Variants in PTPRD observed in about 807,000 individuals in gnomAD.
PTPRD encodes receptor-type tyrosine-protein phosphatase delta.
PTPRD carries 34 observed loss-of-function variants against 214.5 expected under a neutral mutation model. That is an observed-to-expected ratio of 0.16 (90% CI 0.12 to 0.21). The LOEUF (loss-of-function observed/expected upper bound fraction) is 0.21, where lower values mean the gene tolerates loss of function less well. PTPRD is among the 10% of genes least tolerant of loss of function. PTPRD has a pLI of 1.00. For missense variants in PTPRD, 2,545 were observed against 2,398.7 expected, an observed-to-expected ratio of 1.06 and a Z score of -1.27; for synonymous variants, 1,128 against 845.7, an observed-to-expected ratio of 1.33 and a Z score of -5.79.
At position 9,427,650 on chromosome 9, in the gene PTPRD, G is replaced by A. The variant is rs529040700; in HGVS notation, c.-236-30168C>T. On this transcript the variant is annotated intron_variant, in intron 8 of 45. Transcript: ENST00000381196. Reference sequence around the variant, plus strand: ...TTGAAAAGAAGGAGAAAATGTTAAGGGCAGCCAGAGAGAAAGGTTGGGTTA... The same window carrying A: ...TTGAAAAGAAGGAGAAAATGTTAAGAGCAGCCAGAGAGAAAGGTTGGGTTA... Among the ~76,000 whole-genome samples, 14 of 152,264 alleles carry A rather than the reference G, an allele frequency of 9.2e-5. No homozygotes were observed. The East Asian group carries it at 2.3e-3, about 25-fold the overall frequency.
chr9:8,873,348 G>C (rs10759008), intron 11 of PTPRD, among the ~76,000 whole-genome samples: 1 of 151,874 alleles, frequency 6.6e-6, no homozygotes, highest in African/African-American at 2.4e-5. Context: ...ACCAGCTGTC[G>C]TGTTGTATGT....
chr9:8,589,966 CACTTGGTCAACTAATAATGA>C (rs2093973211), intron 14 of PTPRD, among the ~76,000 whole-genome samples: 1 of 152,126 alleles, frequency 6.6e-6, no homozygotes. Context: ...TGCTTGCGTT[CACTTGGTCAACTAATAATGA>C]CTGAACCTCG....
rs573011236 is a variant in PTPRD at position 8,873,269 on chromosome 9, G to A, written c.-103-139323C>T. ...CATGGCCTCACTTCTTGACCCCTTG[G>A]CATGAAATATCACTACCCCTTCATC... is the stretch of plus-strand genomic sequence containing the variant. On this transcript the variant is annotated intron_variant, in intron 11 of 45. Transcript: ENST00000381196. Among the ~76,000 whole-genome samples the A allele has an allele frequency of 9.2e-5, 14 of 152,218 alleles. No individual in the cohort carries two copies. In the East Asian group the frequency reaches 2.5e-3, roughly 27 times the overall value.
At chr9:10,542,943 G>A (rs901453561) in intron 2 of PTPRD, among the ~76,000 whole-genome samples, 2 of 152,044 alleles carry the variant, frequency 1.3e-5, no homozygotes, top group African/African-American at 4.8e-5. Context: ...TAGAGATGGG[G>A]TGTCTCCATG....
chr9:10,607,860 A>T (rs1481511606), intron 2 of PTPRD, among the ~76,000 whole-genome samples: 1 of 151,788 alleles, frequency 6.6e-6, no homozygotes, highest in Non-Finnish European at 1.5e-5. Context: ...TTTAAAGTTA[A>T]TGTATTGTAT....
chr9:9,165,277 C>T (rs2099900652), intron 10 of PTPRD, among the ~76,000 whole-genome samples: 2 of 152,022 alleles, frequency 1.3e-5, no homozygotes, highest in Non-Finnish European at 2.9e-5. Context: ...TAAGTATGCA[C>T]ATTGAGAGTG....
intron 8 of PTPRD, among the ~76,000 whole-genome samples, chr9:9,509,467 C>A (rs10759080): frequency 0.54 from 82,143 of 150,884 alleles, 23,053 homozygotes; most frequent in East Asian, 0.72. Flanking sequence ...CAATGACACA[C>A]CAGACCCCTC....
intron 11 of PTPRD, among the ~76,000 whole-genome samples, chr9:9,016,779 T>C (rs2099537214): frequency 6.6e-6 from 1 of 152,180 alleles, no homozygotes; most frequent in African/African-American, 2.4e-5. Flanking sequence ...CCCAGTTATG[T>C]CATCCAGCAA....
chr9:9,232,551 T>C (rs2099963758), intron 9 of PTPRD, among the ~76,000 whole-genome samples: 1 of 152,198 alleles, frequency 6.6e-6, no homozygotes, highest in Non-Finnish European at 1.5e-5. Flanking sequence ...ATGAAATTTA[T>C]TCTGGAAGTA....
intron 14 of PTPRD, among the ~76,000 whole-genome samples, chr9:8,548,559 G>A (rs1433698671): frequency 6.6e-6 from 1 of 151,746 alleles, no homozygotes; most frequent in African/African-American, 2.4e-5. Context: ...GTAGAGATGG[G>A]GTTTCGCCAT....
intron 11 of PTPRD, among the ~76,000 whole-genome samples, chr9:8,769,361 T>A (rs970143247): frequency 3.9e-5 from 6 of 152,200 alleles, no homozygotes; most frequent in Non-Finnish European, 8.8e-5. Flanking sequence ...AAAGCGTAAT[T>A]ACAGCTGGAT....
chr9:9,748,853 C>T (rs761963802), intron 6 of PTPRD, among the ~76,000 whole-genome samples: 8 of 150,712 alleles, frequency 5.3e-5, no homozygotes, highest in Non-Finnish European at 1.2e-4. Context: ...ACATTTGGTT[C>T]TTTCAGTATC....
At chr9:10,308,792 T>C (rs2096174366) in intron 3 of PTPRD, among the ~76,000 whole-genome samples, 1 of 152,092 alleles carries the variant, frequency 6.6e-6, no homozygotes, top group South Asian at 2.1e-4. Flanking sequence ...AGTTCGTTTC[T>C]ATCATTCTTT....
chr9:10,327,183 A>G (rs1057131211), intron 3 of PTPRD, among the ~76,000 whole-genome samples: 1 of 148,540 alleles, frequency 6.7e-6, no homozygotes, highest in African/African-American at 2.4e-5. Flanking sequence ...ATATATATAT[A>G]TATATATATA....
At chr9:10,296,114 G>T (rs2095665309) in intron 3 of PTPRD, among the ~76,000 whole-genome samples, 1 of 151,986 alleles carries the variant, frequency 6.6e-6, no homozygotes, top group African/African-American at 2.4e-5. Flanking sequence ...CCATAAAGAT[G>T]ATTCAAAGTA....
In PTPRD at chr9:9,800,913, C is replaced by T. The variant is rs548463729; in HGVS notation, c.-367-34062G>A. Among the ~76,000 whole-genome samples the T allele has an allele frequency of 8.5e-5, 13 of 152,244 alleles. No homozygotes were observed. In the East Asian group the frequency reaches 2.3e-3, roughly 27 times the overall value. On this transcript the variant is annotated intron_variant, in intron 5 of 45. Coordinates refer to ENST00000381196, the MANE Select transcript of PTPRD (RefSeq NM_002839.4). ...GGATATGCAACAGAAGCATTTACATCTCTGAAGGAGATACACGATTAGTTG... is the reference window on the plus strand; with the variant it reads ...GGATATGCAACAGAAGCATTTACATTTCTGAAGGAGATACACGATTAGTTG...
intron 2 of PTPRD, among the ~76,000 whole-genome samples, chr9:10,459,267 A>G (rs1310112298): frequency 4.0e-5 from 6 of 151,844 alleles, no homozygotes; most frequent in Non-Finnish European, 8.8e-5. Flanking sequence ...CATGGTGTAG[A>G]TGTGCCACAT....
intron 5 of PTPRD, among the ~76,000 whole-genome samples, chr9:9,887,030 T>C (rs1056829806): frequency 1.3e-5 from 2 of 152,130 alleles, no homozygotes; most frequent in Non-Finnish European, 2.9e-5. Flanking sequence ...CTTGTTTTTT[T>C]CCGCCACTAA....
intron 11 of PTPRD, among the ~76,000 whole-genome samples, chr9:8,743,923 C>T (rs917620727): frequency 5.3e-5 from 8 of 151,356 alleles, no homozygotes; most frequent in Non-Finnish European, 7.4e-5. Context: ...CTACAAAGAA[C>T]TCAAACTCAA....
Sources: allele counts gnomAD v4.1 joint callset (sites outside exome capture counted in the v4.1 genomes callset), GRCh38; gene constraint gnomAD v4.1.1; transcripts MANE v1.5; gene names NCBI Gene and HGNC (gene_info 2026-07-23, HGNC 2026-07-21).